CPAMD8: variants seen among roughly 807,000 people sequenced by gnomAD.
CPAMD8 encodes the protein C3 and PZP like alpha-2-macroglobulin domain containing 8, also known as C3 and PZP-like alpha-2-macroglobulin domain-containing protein 8.
Under a neutral mutation model 224.7 loss-of-function variants are expected in CPAMD8, and 146 were observed. The observed-to-expected ratio is 0.65, with a 90% CI of 0.57 to 0.75. The LOEUF is 0.75. Among genes scored for constraint, CPAMD8 ranks in the 30% least tolerant of loss-of-function variants. The probability of loss-of-function intolerance (pLI) is 0.00; values close to 1 mark genes in which losing one functional copy is unlikely to be tolerated. For missense variants in CPAMD8, 2,301 were observed against 2,537.5 expected (o/e 0.91, Z 2.00); for synonymous variants, 966 against 1,044.6 (o/e 0.92, Z 1.45).
At position 17,022,199 on chromosome 19, in the gene CPAMD8, C is replaced by A; in HGVS notation, c.93-18G>T. On this transcript the variant is annotated intron_variant, in intron 1 of 41. Transcript: ENST00000443236. ...AGTAACCCCTGCAGGAAAGGAGATC[C>A]GAGGTGAAGTTCTCACCCCAGACCC... 6.2e-7 allele frequency: 1 copy of A among 1,605,622 alleles called. No individual in the cohort carries two copies.
At chr19:16,986,889 C>T (rs1252320569) in intron 13 of CPAMD8, among the ~76,000 whole-genome samples, 1 of 151,898 alleles carries the variant, frequency 6.6e-6, no homozygotes, top group East Asian at 1.9e-4. Flanking sequence ...GGCGCGGTGG[C>T]TCACGCCTGT....
chr19:17,004,448 A>ACC, intron 7 of CPAMD8, 62 bp from the exon 8 acceptor site: 1 of 1,074,932 alleles, frequency 9.3e-7, no homozygotes, highest in South Asian at 1.3e-5. Context: ...AGGTACGGGA[A>ACC]GAGGGAGCCA....
chr19:16,932,099 A>G (rs1327607711), intron 23 of CPAMD8, among the ~76,000 whole-genome samples: 1 of 152,170 alleles, frequency 6.6e-6, no homozygotes, highest in Non-Finnish European at 1.5e-5. Context: ...ATTCCAGTAA[A>G]AAAAAAAATG....
chr19:16,997,088 C>CAGCACAG (rs2056150898), intron 11 of CPAMD8, 23 bp downstream of exon 11: 1 of 1,503,944 alleles, frequency 6.6e-7, no homozygotes, highest in Non-Finnish European at 9.3e-7. Context: ...GGGCGGGAGG[C>CAGCACAG]AGCACAGTCA....
At chr19:16,991,875 C>G (rs1258369731) in intron 12 of CPAMD8, among the ~76,000 whole-genome samples, 1 of 150,466 alleles carries the variant, frequency 6.6e-6, no homozygotes, top group Non-Finnish European at 1.5e-5. Context: ...AACAACAGAA[C>G]AGTGGCCCAG....
intron 5 of CPAMD8, among the ~76,000 whole-genome samples, chr19:17,010,391 T>C (rs929540092): frequency 6.6e-6 from 1 of 152,106 alleles, no homozygotes. Flanking sequence ...CATGCCACCA[T>C]GCTCAACTAA....
At chr19:16,979,159 C>G (rs2055396101) in intron 14 of CPAMD8, among the ~76,000 whole-genome samples, 1 of 151,274 alleles carries the variant, frequency 6.6e-6, no homozygotes, top group South Asian at 2.1e-4. Context: ...ATCCACCCAT[C>G]CACCCACTAT....
At chr19:16,961,483 G>A (rs1025207872) in intron 18 of CPAMD8, among the ~76,000 whole-genome samples, 15 of 152,254 alleles carry the variant, frequency 9.9e-5, no homozygotes, top group African/African-American at 3.6e-4. Flanking sequence ...CCATTGCTGA[G>A]GCTGGAGTAA....
chr19:16,927,756 T>C (rs2053414457), intron 25 of CPAMD8, among the ~76,000 whole-genome samples: 2 of 152,198 alleles, frequency 1.3e-5, no homozygotes, highest in African/African-American at 4.8e-5. Flanking sequence ...TGGGGGGCTC[T>C]AGATCTGCCA....
chr19:16,939,498 C>T (rs899408244), intron 22 of CPAMD8, among the ~76,000 whole-genome samples: 7 of 152,068 alleles, frequency 4.6e-5, no homozygotes, highest in South Asian at 2.1e-4. Context: ...CATGAGACAC[C>T]GTGCCCAGCC....
intron 39 of CPAMD8, chr19:16,897,021 C>T (rs1165988092): frequency 7.4e-6 from 1 of 134,810 alleles, no homozygotes; most frequent in African/African-American, 3.5e-5. Flanking sequence ...CCGCTCCTAT[C>T]CTCAACCCCG....
At chr19:16,911,702 T>C (rs2052735263) in intron 29 of CPAMD8, among the ~76,000 whole-genome samples, 1 of 151,958 alleles carries the variant, frequency 6.6e-6, no homozygotes, top group African/African-American at 2.4e-5. Flanking sequence ...CCTGCCACCA[T>C]GCCCGGCTAA....
In CPAMD8 at chr19:16,945,585, G is replaced by C. The variant is rs371123578; in HGVS notation, c.2757C>G (p.Ile919Met). 4.3e-6 allele frequency: 7 copies of C among 1,614,014 alleles called. No homozygotes were observed. Among genetic ancestry groups the C allele is most frequent in the Non-Finnish European group, 5.9e-6 (7 of 1,180,004 alleles). Residue 919 changes from isoleucine to methionine, a missense_variant, in exon 22 of 42, where the codon ATC (isoleucine) becomes ATG (methionine). Around this residue, in one of 4 missense-constraint regions of CPAMD8, gnomAD observed 1,709 missense variants for 1,753.2 expected, o/e 0.97. Transcript: ENST00000443236. ...CACTGCGCCTGACGTGATCCACCCC[G>C]ATGGGGACCCTCCTGTCGGCGTGAT... Reference protein sequence around the residue: ...EENHADRRVPIGVDHVRRSVM... With the variant: ...EENHADRRVPMGVDHVRRSVM...
intron 13 of CPAMD8, among the ~76,000 whole-genome samples, chr19:16,986,158 G>A (rs974096598): frequency 2.0e-5 from 3 of 152,090 alleles, no homozygotes; most frequent in African/African-American, 7.2e-5. Flanking sequence ...TGTGGGGAGT[G>A]GAGCCCCCCA....
At chr19:17,013,782 T>C (rs186657948) in intron 3 of CPAMD8, among the ~76,000 whole-genome samples, 3 of 151,678 alleles carry the variant, frequency 2.0e-5, no homozygotes, top group African/African-American at 4.8e-5. Context: ...TGTTTTAGAA[T>C]GGTTAGATGG....
chr19:17,023,348 C>T (rs1199457731), intron 1 of CPAMD8, among the ~76,000 whole-genome samples: 2 of 152,090 alleles, frequency 1.3e-5, no homozygotes, highest in Non-Finnish European at 2.9e-5. Context: ...ACCTGAGCTC[C>T]TGTCTCCCAG....
At chr19:16,907,345 G>A (rs1189050985) in intron 29 of CPAMD8, 36 of 399,576 alleles carry the variant, frequency 9.0e-5, no homozygotes, top group East Asian at 2.6e-4. Context: ...TAGGCTGGGC[G>A]CAATGTAATC....
intron 2 of CPAMD8, among the ~76,000 whole-genome samples, chr19:17,021,376 C>T (rs1428378877): frequency 1.3e-5 from 2 of 152,188 alleles, no homozygotes. Context: ...TTCCACATTT[C>T]CACCTTCTCT....
At position 16,984,282 on chromosome 19, in the gene CPAMD8, T is replaced by A. The variant is rs1196145337; in HGVS notation, c.1396-3596A>T. ...TGAGCTATGATCACACTACTGCACC[T>A]CAGCCTGGGTGACAGAGCAAGGTCC... On this transcript the variant is annotated intron_variant, in intron 13 of 41. Transcript: ENST00000443236. 2.3e-5 allele frequency among the ~76,000 whole-genome samples: 3 copies of A among 132,650 alleles called. No individual in the cohort carries two copies. In the Admixed American group the frequency reaches 2.6e-4, roughly 12 times the overall value. The allele number at this position is 132,650 out of a possible 152,430, so 87.0% of individuals were successfully genotyped here. A position where few individuals can be genotyped will look rare whatever the true frequency, so the allele number is the denominator to read the frequency against.
Sources: gnomAD v4.1 joint callset for allele counts (sites outside exome capture counted in the v4.1 genomes callset) on GRCh38, gnomAD v4.1.1 for gene constraint, gnomAD v4.1.1 regional missense constraint, MANE v1.5 for transcripts, NCBI Gene and HGNC (gene_info 2026-07-23, HGNC 2026-07-21) for gene names.